JUP: variants seen among roughly 807,000 people sequenced by gnomAD.
JUP encodes the protein catenin (cadherin-associated protein), gamma 80kDa.
Under a neutral mutation model 71.1 loss-of-function variants are expected in JUP, and 28 were observed. The observed-to-expected ratio is 0.39, with a 90% CI of 0.29 to 0.54. JUP has a LOEUF of 0.54. Ranked by LOEUF, JUP falls within the 20% of genes least tolerant of loss-of-function variation. The probability of loss-of-function intolerance (pLI) is 0.62; values close to 1 mark genes in which losing one functional copy is unlikely to be tolerated. For missense variants in JUP, 869 were observed against 1,030.1 expected, an observed-to-expected ratio of 0.84 and a Z score of 2.14; for synonymous variants, 401 against 438.9, an observed-to-expected ratio of 0.91 and a Z score of 1.08.
chr17:41,770,727 G>A (rs1032748171), intron 2 of JUP, among the ~76,000 whole-genome samples: 2 of 152,224 alleles, frequency 1.3e-5, no homozygotes, highest in Non-Finnish European at 2.9e-5. Flanking sequence ...AGGGGCAGGG[G>A]AGGCTTGGGC....
intron 8 of JUP, among the ~76,000 whole-genome samples, chr17:41,761,094 C>T (rs984033431): frequency 2.6e-5 from 4 of 152,308 alleles, no homozygotes; most frequent in African/African-American, 9.6e-5. Context: ...CTCTCACTTC[C>T]CCCACCTGAC....
chr17:41,785,727 G>A (rs1438989670), intron 1 of JUP, among the ~76,000 whole-genome samples: 1 of 152,200 alleles, frequency 6.6e-6, no homozygotes. Context: ...GAGAAGACGG[G>A]TCCTGTTCCC....
chr17:41,762,141 G>A (rs868977755), intron 8 of JUP, among the ~76,000 whole-genome samples: 1 of 96,784 alleles, frequency 1.0e-5, no homozygotes, highest in Non-Finnish European at 2.2e-5. Flanking sequence ...GAGAGAGAGA[G>A]AGAGAGAGAG....
intron 1 of JUP, among the ~76,000 whole-genome samples, chr17:41,778,152 A>G (rs1392667270): frequency 2.0e-5 from 3 of 151,920 alleles, no homozygotes; most frequent in African/African-American, 7.3e-5. Flanking sequence ...ACTGAGGCCC[A>G]CTCCCTGGGG....
chr17:41,773,529 C>T (rs1916980304), intron 1 of JUP, among the ~76,000 whole-genome samples: 1 of 152,176 alleles, frequency 6.6e-6, no homozygotes, highest in African/African-American at 2.4e-5. Flanking sequence ...CAGGCTCGGG[C>T]CGCCAGATGT....
At chr17:41,784,064 C>T (rs1356493152) in intron 1 of JUP, among the ~76,000 whole-genome samples, 3 of 152,024 alleles carry the variant, frequency 2.0e-5, no homozygotes, top group Admixed American at 2.0e-4. Flanking sequence ...GGTCTCAAAC[C>T]CAGCTCAGTT....
At chr17:41,784,389 C>T (rs1202553399) in intron 1 of JUP, among the ~76,000 whole-genome samples, 1 of 152,102 alleles carries the variant, frequency 6.6e-6, no homozygotes, top group Non-Finnish European at 1.5e-5. Flanking sequence ...CTGGGTCCTA[C>T]CTTCTCCTCC....
intron 1 of JUP, among the ~76,000 whole-genome samples, chr17:41,773,615 GCACCCCTTCCCCA>G (rs1361360631): frequency 4.0e-5 from 6 of 151,820 alleles, no homozygotes; most frequent in South Asian, 2.1e-4. Flanking sequence ...CTTTCCACAC[GCACCCCTTCCCCA>G]CACCCCTTCC....
Position 41,754,721 on chromosome 17 carries a change from AC to A in JUP, c.*1022del, listed in dbSNP as rs1913403763. 6.5e-6 allele frequency: 1 copy of A among 152,746 alleles called. No homozygotes were observed. The allele number at this position is 152,746 out of a possible 1,614,324, so 9.5% of individuals were successfully genotyped here. On this transcript the variant is annotated 3_prime_UTR_variant, in exon 14 of 14. Coordinates refer to ENST00000393931, the MANE Select transcript of JUP (RefSeq NM_002230.4). ...GCTTGGACCTCCCCCAGCCCCCCAC[AC>A]CATGTGCGGGAAATGGGGGGGTCTG...
rs1408439666 is a variant in JUP at position 41,765,023 on chromosome 17, G to A, written c.954C>T (p.Ile318=). The change falls in exon 6 of 14, where the codon ATC becomes ATT. Residue 318 remains isoleucine, a synonymous_variant. Transcript: ENST00000393931. ...GCTTTTCATAACTGTAGTTACGCAT[G>A]ATCTGCACGAGGGCCTGGGGCCCAC... ...ANGGPQALVQ[I]MRNYSYEKLL... 6.2e-7 allele frequency: 1 copy of A among 1,613,966 alleles called. No individual in the cohort carries two copies. Among genetic ancestry groups the A allele is most frequent in the African/African-American group, 1.3e-5 (1 of 74,896 alleles).
At chr17:41,762,899 T>G in intron 8 of JUP, 84 bp downstream of exon 8, 1 of 1,153,894 alleles carries the variant, frequency 8.7e-7, no homozygotes, top group Non-Finnish European at 1.3e-6. Flanking sequence ...ATTTAGGGCT[T>G]CTTTGCTACA....
Position 41,755,750 on chromosome 17 carries a change from C to G in JUP, c.2232G>C (p.Leu744=). The G allele has an allele frequency of 6.3e-7, 1 of 1,583,116 alleles. No homozygotes were observed. The highest frequency in any genetic ancestry group is 8.6e-7 in the Non-Finnish European group (1 of 1,160,754). Reference sequence around the variant, plus strand: ...CGTACTGGGGCCAGGCCGCCTAGGCCAGCATGTGGTCTGCAGTGGGGTACG... The same window carrying G: ...CGTACTGGGGCCAGGCCGCCTAGGCGAGCATGTGGTCTGCAGTGGGGTACG... ...RPPYPTADHM[L]A is the part of the protein sequence containing the mutation. Residue 744 remains leucine (L), a synonymous_variant, in exon 14 of 14, where the codon CTG becomes CTC. Coordinates refer to ENST00000393931, the MANE Select transcript of JUP (RefSeq NM_002230.4).
At chr17:41,780,874 G>A (rs1378150915) in intron 1 of JUP, among the ~76,000 whole-genome samples, 5 of 151,412 alleles carry the variant, frequency 3.3e-5, no homozygotes, top group African/African-American at 1.2e-4. Flanking sequence ...GTGAAACCCC[G>A]TCTCTACTAA....
Position 41,771,684 on chromosome 17 carries a change from T to C in JUP, c.171A>G (p.Lys57=). Residue 57 remains lysine, a synonymous_variant, in exon 2 of 14, where the codon AAA becomes AAG. Coordinates refer to ENST00000393931, the MANE Select transcript of JUP (RefSeq NM_002230.4). ...EACGRQYTLK[K]TTTYTQGVPP... is the part of the protein sequence containing the mutation. ...GCACCCCCTGGGTGTAAGTGGTGGT[T>C]TTCTTGAGCGTGTACTGGCGCCCGC... 1 of 1,613,826 alleles carries C rather than the reference T, an allele frequency of 6.2e-7. No individual in the cohort carries two copies. Among genetic ancestry groups the C allele is most frequent in the Non-Finnish European group, 8.5e-7 (1 of 1,180,002 alleles).
At chr17:41,769,318 G>A (rs1916210484) in intron 3 of JUP, 100 bp downstream of exon 3, 1 of 1,558,126 alleles carries the variant, frequency 6.4e-7, no homozygotes, top group African/African-American at 1.4e-5. Context: ...GGAGAGTCTG[G>A]GTCATAACCT....
chr17:41,764,996 C>A lies in JUP; in HGVS notation c.981G>T (p.Leu327=), dbSNP rs1295630627. The A allele has an allele frequency of 4.3e-6, 7 of 1,614,000 alleles. No homozygotes were observed. The highest frequency in any genetic ancestry group is 1.7e-5 in the Admixed American group (1 of 59,986). ...QIMRNYSYEK[L]LWTTSRVLKV... ...TGAGCACACGACTGGTGGTCCAGAG[C>A]AGCTTTTCATAACTGTAGTTACGCA... Residue 327 remains leucine (L), a synonymous_variant, in exon 6 of 14, where the codon CTG becomes CTT. Transcript: ENST00000393931.
rs184824439 is a variant in JUP, at chr17:41,778,382, A to G, written c.-8-6520T>C. ...GGAGCTCCAGACCAGTCTGGGCAAC[A>G]TGGCGAAACCCTGTCTCTACAAAAA... On this transcript the variant is annotated intron_variant, in intron 1 of 13. Coordinates refer to ENST00000393931, the MANE Select transcript of JUP (RefSeq NM_002230.4). Among the ~76,000 whole-genome samples, 6 of 152,206 alleles carry G rather than the reference A, an allele frequency of 3.9e-5. No individual in the cohort carries two copies. The East Asian group carries it at 1.2e-3, about 30-fold the overall frequency.
chr17:41,773,136 C>G (rs1385692022), intron 1 of JUP, among the ~76,000 whole-genome samples: 1 of 152,210 alleles, frequency 6.6e-6, no homozygotes, highest in Non-Finnish European at 1.5e-5. Flanking sequence ...CCCGGCGCAG[C>G]CTCAGTGAGT....
In JUP at chr17:41,764,734, G is replaced by A. The variant is rs1555603163; in HGVS notation, c.1137C>T (p.Leu379=). 6.2e-7 allele frequency: 1 copy of A among 1,613,068 alleles called. No homozygotes were observed. Among genetic ancestry groups the A allele is most frequent in the Admixed American group, 1.7e-5 (1 of 59,954 alleles). The change falls in exon 7 of 14, where the codon CTC becomes CTT. Residue 379 remains leucine, a synonymous_variant. Transcript: ENST00000393931. ...TCACCTGCTTGGTGGCCACATCTGA[G>A]AGGTTGCGCAGGGTCCACAGGCAGT... ...VQNCLWTLRN[L]SDVATKQEGL...
Sources: allele counts gnomAD v4.1 joint callset (sites outside exome capture counted in the v4.1 genomes callset), GRCh38; gene constraint gnomAD v4.1.1; transcripts MANE v1.5; gene names NCBI Gene and HGNC (gene_info 2026-07-23, HGNC 2026-07-21).